Variants in SQLE observed in about 807,000 individuals in gnomAD.
The protein encoded by SQLE is squalene monooxygenase.
A neutral mutation model predicts 60.7 loss-of-function variants in SQLE; 29 were observed. That is an observed-to-expected ratio of 0.48 (90% CI 0.36 to 0.65). SQLE has a LOEUF of 0.65. SQLE is among the 30% of genes least tolerant of loss of function. The pLI, the probability that SQLE is intolerant of heterozygous loss-of-function variation, is 0.00. For synonymous variants in SQLE, 237 were observed against 246.8 expected (o/e 0.96, Z 0.37); for missense variants, 605 against 684.1 (o/e 0.88, Z 1.29).
At position 125,008,995 on chromosome 8, in the gene SQLE, G is replaced by C; in HGVS notation, c.847G>C (p.Val283Leu). 1.3e-6 allele frequency: 2 copies of C among 1,591,302 alleles called. No homozygotes were observed. Among genetic ancestry groups the C allele is most frequent in the Non-Finnish European group, 1.7e-6 (2 of 1,171,722 alleles). Residue 283 changes from valine (V) to leucine (L), a missense_variant, in exon 5 of 11, where the codon GTT becomes CTT. Physicochemically the swap from Val to Leu is conservative, Grantham distance 32. Coordinates refer to ENST00000265896, the MANE Select transcript of SQLE (RefSeq NM_003129.4). ...IKELHAPLTV[V>L]ADGLFSKFRK... ...GGAACTCCATGCTCCACTGACTGTT[G>C]TTGCAGATGGGCTTTTCTCCAAGTT... is the stretch of plus-strand genomic sequence containing the variant.
chr8:125,001,449 GGTGTGTGTGT>G (rs57946751), intron 1 of SQLE, among the ~76,000 whole-genome samples: 60 of 137,020 alleles, frequency 4.4e-4, no homozygotes, highest in African/African-American at 6.9e-4. Context: ...CTCCTTTCAG[GGTGTGTGTGT>G]GTGTGTGTGT....
chr8:125,006,905 A>G (rs557735816), intron 3 of SQLE, among the ~76,000 whole-genome samples: 8 of 152,080 alleles, frequency 5.3e-5, no homozygotes, highest in South Asian at 2.1e-4. Context: ...GGGTTTCACC[A>G]TGTTGGCCAG....
In SQLE at chr8:125,011,533, G is replaced by A; in HGVS notation, c.1109-4G>A. 1.3e-6 allele frequency: 2 copies of A among 1,572,764 alleles called. No individual in the cohort carries two copies. Among genetic ancestry groups the A allele is most frequent in the Non-Finnish European group, 1.7e-6 (2 of 1,157,124 alleles). On this transcript the variant is annotated splice_polypyrimidine_tract_variant and splice_region_variant and intron_variant, in intron 6 of 10. Coordinates refer to ENST00000265896, the MANE Select transcript of SQLE (RefSeq NM_003129.4). ...TTTCTTTGGGTTGGTGGGATTTATT[G>A]CAGATCACCTGAAAGAACCATTCTT...
intron 3 of SQLE, 87 bp from the exon 4 acceptor site, chr8:125,007,304 A>G: frequency 2.1e-6 from 2 of 949,530 alleles, no homozygotes; most frequent in South Asian, 1.9e-5. Flanking sequence ...TCCAGTTTAT[A>G]TGGATAAACT....
Position 124,998,511 on chromosome 8 carries a change from C to G in SQLE, c.-893C>G. On this transcript the variant is annotated 5_prime_UTR_variant, in exon 1 of 11. Coordinates refer to ENST00000265896, the MANE Select transcript of SQLE (RefSeq NM_003129.4). Reference sequence around the variant, plus strand: ...CGAGCCCGCCCAGCTGGCTGAGACGCGTGGAGCCTGGCGGCGAGTGGGGGC... The same window carrying G: ...CGAGCCCGCCCAGCTGGCTGAGACGGGTGGAGCCTGGCGGCGAGTGGGGGC... 1.5e-6 allele frequency: 1 copy of G among 649,510 alleles called. No individual in the cohort carries two copies. 40.2% of individuals were successfully genotyped at this position (649,510 alleles called of 1,614,324 possible).
At position 124,999,427 on chromosome 8, in the gene SQLE, C is replaced by T. The variant is rs1199093918; in HGVS notation, c.24C>T (p.Ala8=). ...CCATGTGGACTTTTCTGGGCATTGC[C>T]ACTTTCACCTATTTTTATAAGAAGT... MWTFLGI[A]TFTYFYKKFG... The change falls in exon 1 of 11, where the codon GCC becomes GCT. Residue 8 remains alanine, a synonymous_variant. Coordinates refer to ENST00000265896, the MANE Select transcript of SQLE (RefSeq NM_003129.4). 1 of 1,520,818 alleles carries T rather than the reference C, an allele frequency of 6.6e-7. No homozygotes were observed. The highest frequency in any genetic ancestry group is 1.3e-5 in the South Asian group (1 of 75,800). The allele number at this position is 1,520,818 out of a possible 1,614,324, so 94.2% of individuals were successfully genotyped here. A position where few individuals can be genotyped will look rare whatever the true frequency, so the allele number is the denominator to read the frequency against.
chr8:124,998,589 G>C lies in SQLE; in HGVS notation c.-815G>C. On this transcript the variant is annotated 5_prime_UTR_variant, in exon 1 of 11. Coordinates refer to ENST00000265896, the MANE Select transcript of SQLE (RefSeq NM_003129.4). ...CCGCGCCGCGCTGGCGAGAGCCGCCGCCCGCGAGGGATGCTGGTGAGGAAG... is the reference window on the plus strand; with the variant it reads ...CCGCGCCGCGCTGGCGAGAGCCGCCCCCCGCGAGGGATGCTGGTGAGGAAG... The C allele has an allele frequency of 1.5e-6, 1 of 685,594 alleles. No individual in the cohort carries two copies. Among genetic ancestry groups the C allele is most frequent in the Non-Finnish European group, 2.7e-6 (1 of 377,282 alleles). 42.5% of individuals were successfully genotyped at this position (685,594 alleles called of 1,614,324 possible). A position where few individuals can be genotyped will look rare whatever the true frequency, so the allele number is the denominator to read the frequency against.
Position 125,013,356 on chromosome 8 carries a change from C to CTTTTTCTTT in SQLE, c.1204+1729_1204+1730insCTTTTTTTT, listed in dbSNP as rs71576761. Among the ~76,000 whole-genome samples, 5 of 136,450 alleles carry CTTTTTCTTT rather than the reference C, an allele frequency of 3.7e-5. 1 individual carries two copies. The highest frequency in any genetic ancestry group is 7.7e-5 in the Non-Finnish European group (5 of 64,550). The allele number at this position is 136,450 out of a possible 152,430, so 89.5% of individuals were successfully genotyped here. On this transcript the variant is annotated intron_variant, in intron 7 of 10. Transcript: ENST00000265896. ...AGATTTACTCCTATGTTTTCTTTTT[C>CTTTTTCTTT]TTTTTTTTTTTTTGAGATGGAGTTT...
chr8:125,004,652 A>G (rs1814918523), intron 2 of SQLE, among the ~76,000 whole-genome samples: 1 of 151,866 alleles, frequency 6.6e-6, no homozygotes, highest in Admixed American at 6.6e-5. Flanking sequence ...GTTTTTGTCC[A>G]TTACTATTGG....
In SQLE at chr8:125,005,096, GT is replaced by G. The variant is rs935139733; in HGVS notation, c.545-420del. Among the ~76,000 whole-genome samples the G allele has an allele frequency of 1.1e-4, 16 of 150,652 alleles. No homozygotes were observed. The East Asian group carries it at 1.6e-3, about 15-fold the overall frequency. On this transcript the variant is annotated intron_variant, in intron 2 of 10. Transcript: ENST00000265896. ...ATTCAGTCATTATATATAAATTGGG[GT>G]TTTTTTTTGAGTTTCCATACTGGTT...
At chr8:125,017,686 G>A (rs1435731875) in intron 7 of SQLE, among the ~76,000 whole-genome samples, 1 of 152,160 alleles carries the variant, frequency 6.6e-6, no homozygotes, top group Non-Finnish European at 1.5e-5. Context: ...GGGGATGATC[G>A]CCAGAGGACT....
At chr8:125,018,319 T>G in intron 8 of SQLE, 118 bp downstream of exon 8, 17 of 1,034,602 alleles carry the variant, frequency 1.6e-5, no homozygotes, top group Non-Finnish European at 2.2e-5. Context: ...ATAATAGCTC[T>G]TAGGCATCTT....
Position 125,009,431 on chromosome 8 carries a change from A to G in SQLE, c.1108+88A>G, listed in dbSNP as rs1815006509. The G allele has an allele frequency of 4.8e-6, 6 of 1,262,740 alleles. No homozygotes were observed. The East Asian group carries it at 1.0e-4, about 21-fold the overall frequency. The allele number at this position is 1,262,740 out of a possible 1,614,324, so 78.2% of individuals were successfully genotyped here. A position where few individuals can be genotyped will look rare whatever the true frequency, so the allele number is the denominator to read the frequency against. On this transcript the variant is annotated intron_variant, in intron 6 of 10. Transcript: ENST00000265896. ...GGCAGGTGAAACATTCATCCAGTCAACCAGATATTCTGGAACTGAACTATT... is the reference window on the plus strand; with the variant it reads ...GGCAGGTGAAACATTCATCCAGTCAGCCAGATATTCTGGAACTGAACTATT...
chr8:125,017,629 C>A (rs540799580), intron 7 of SQLE, among the ~76,000 whole-genome samples: 28 of 152,286 alleles, frequency 1.8e-4, no homozygotes, highest in Admixed American at 7.2e-4. Context: ...CAAGCTGGTA[C>A]CCAGGCTGAC....
chr8:125,019,105 T>G (rs769448303), intron 9 of SQLE: 21 of 179,566 alleles, frequency 1.2e-4, no homozygotes, highest in Non-Finnish European at 2.2e-4. Context: ...CTTTTTAAAG[T>G]AGTATTTTAT....
chr8:125,004,984 C>G (rs2129878149), intron 2 of SQLE, among the ~76,000 whole-genome samples: 1 of 152,248 alleles, frequency 6.6e-6, no homozygotes, highest in Admixed American at 6.5e-5. Flanking sequence ...TGTCCTGAGT[C>G]ACTTTTAATG....
Position 125,016,857 on chromosome 8 carries a change from C to A in SQLE, c.1205-1202C>A, listed in dbSNP as rs1438249756. Among the ~76,000 whole-genome samples, 1 of 152,176 alleles carries A rather than the reference C, an allele frequency of 6.6e-6. No homozygotes were observed. Among genetic ancestry groups the A allele is most frequent in the African/African-American group, 2.4e-5 (1 of 41,444 alleles). On this transcript the variant is annotated intron_variant, in intron 7 of 10. Transcript: ENST00000265896. This position sits in a 1 kb window ranked among gnomAD's most constrained non-coding sequence, Gnocchi z 4.1. ...CACCCCAAGTCCAGTAACATTGTGA[C>A]CCTTGCAGACTTGTAGAGGTACCGC...
In SQLE at chr8:125,021,874, G is replaced by C; in HGVS notation, c.1654G>C (p.Ala552Pro). 1 of 1,611,030 alleles carries C rather than the reference G, an allele frequency of 6.2e-7. No homozygotes were observed. The highest frequency in any genetic ancestry group is 8.5e-7 in the Non-Finnish European group (1 of 1,178,312). ...TKPRALLSSGAVLYKACSVIF... is the reference protein window; with the variant it reads ...TKPRALLSSGPVLYKACSVIF... ...ACCTCGAGCCCTTCTCAGTAGTGGTGCTGTATTGTACAAAGCGTGTTCTGT... is the reference window on the plus strand; with the variant it reads ...ACCTCGAGCCCTTCTCAGTAGTGGTCCTGTATTGTACAAAGCGTGTTCTGT... The change falls in exon 11 of 11, where the codon GCT (alanine) becomes CCT (proline). Residue 552 changes from alanine (A) to proline (P), a missense_variant. Transcript: ENST00000265896.
At position 125,003,365 on chromosome 8, in the gene SQLE, A is replaced by G. The variant is rs1338267329; in HGVS notation, c.481A>G (p.Arg161Gly). The G allele has an allele frequency of 6.2e-7, 1 of 1,614,018 alleles. No homozygotes were observed. Among genetic ancestry groups the G allele is most frequent in the African/African-American group, 1.3e-5 (1 of 75,036 alleles). The change falls in exon 2 of 11, where the codon AGA (arginine) becomes GGA (glycine). Residue 161 changes from arginine (R) to glycine (G), a missense_variant. By Grantham distance (125) the Arg-to-Gly change is moderately radical (BLOSUM62 -2). Coordinates refer to ENST00000265896, the MANE Select transcript of SQLE (RefSeq NM_003129.4). ...TGAGAGAGACTTAAAAGAGCCTGACAGAATAGTTGGAGAATTCCTGCAGCC... is the reference window on the plus strand; with the variant it reads ...TGAGAGAGACTTAAAAGAGCCTGACGGAATAGTTGGAGAATTCCTGCAGCC... ...VIERDLKEPD[R>G]IVGEFLQPGG...
Sources: gnomAD v4.1 joint callset for allele counts (sites outside exome capture counted in the v4.1 genomes callset) on GRCh38, gnomAD v4.1.1 for gene constraint, Gnocchi (gnomAD v3.1) non-coding constraint, MANE v1.5 for transcripts, NCBI Gene and HGNC (gene_info 2026-07-23, HGNC 2026-07-21) for gene names.